HELZ: variants seen among roughly 807,000 people sequenced by gnomAD.
The protein encoded by HELZ is ATP-dependent RNA helicase with zinc finger domain.
In HELZ, 23 loss-of-function variants were observed where a neutral mutation model predicts 218.2. That is an observed-to-expected ratio of 0.11 (90% CI 0.08 to 0.15). HELZ has a LOEUF of 0.15. HELZ is among the 10% of genes least tolerant of loss of function. The probability of loss-of-function intolerance (pLI) is 1.00; values close to 1 mark genes in which losing one functional copy is unlikely to be tolerated. For missense variants in HELZ, 1,813 were observed against 2,353.7 expected (o/e 0.77, Z 4.75); for synonymous variants, 814 against 829.4 (o/e 0.98, Z 0.32).
chr17:67,160,711 A>G (rs1203807620), intron 16 of HELZ, among the ~76,000 whole-genome samples, 186 bp downstream of exon 16: 2 of 152,188 alleles, frequency 1.3e-5, no homozygotes, highest in Non-Finnish European at 2.9e-5. Context: ...TTCTAAAAAC[A>G]GTATGTTTTA....
At position 67,215,902 on chromosome 17, in the gene HELZ, G is replaced by A; in HGVS notation, c.244C>T (p.His82Tyr). The change falls in exon 5 of 33, where the codon CAT becomes TAT. Residue 82 changes from histidine (H) to tyrosine (Y), a missense_variant. By Grantham distance (83) the His-to-Tyr change is moderately conservative. Around this residue, in one of 4 missense-constraint regions of HELZ, gnomAD observed 714 missense variants for 1,029.2 expected, o/e 0.69. Coordinates refer to ENST00000358691, the MANE Select transcript of HELZ (RefSeq NM_014877.4). The stretch of plus-strand genomic sequence containing the variant: ...CGAGTCTCATTTTTAAACATACCAT[G>A]TCTACAATCTTCATCAGCTTGCACA... The part of the protein sequence containing the change: ...NYVQADEDCR[H>Y]VLGEGLAKGE... The A allele has an allele frequency of 6.4e-7, 1 of 1,551,972 alleles. No individual in the cohort carries two copies. Among genetic ancestry groups the A allele is most frequent in the Non-Finnish European group, 8.9e-7 (1 of 1,127,000 alleles).
At chr17:67,197,188 A>G (rs2040053413) in intron 7 of HELZ, among the ~76,000 whole-genome samples, 2 of 152,074 alleles carry the variant, frequency 1.3e-5, no homozygotes. Context: ...TGTGGTAGTG[A>G]GTAAGTCTGA....
chr17:67,087,379 T>C (rs765726124), intron 31 of HELZ, among the ~76,000 whole-genome samples: 45 of 152,196 alleles, frequency 3.0e-4, no homozygotes, highest in Admixed American at 3.3e-4. Context: ...CTGTAGAATA[T>C]GGGAATTGAA....
At chr17:67,221,096 A>T (rs2040733606) in intron 3 of HELZ, among the ~76,000 whole-genome samples, 1 of 152,142 alleles carries the variant, frequency 6.6e-6, no homozygotes, top group African/African-American at 2.4e-5. Flanking sequence ...CCATTAGACA[A>T]AGAGTGGCAT....
intron 12 of HELZ, among the ~76,000 whole-genome samples, chr17:67,181,180 C>T (rs1598382258): frequency 1.3e-5 from 2 of 152,224 alleles, no homozygotes; most frequent in Admixed American, 1.3e-4. Flanking sequence ...TTTTATTTTA[C>T]ATTTCACTTT....
chr17:67,184,164 TA>T (rs1280365397), intron 12 of HELZ, among the ~76,000 whole-genome samples: 1 of 152,194 alleles, frequency 6.6e-6, no homozygotes, highest in African/African-American at 2.4e-5. Flanking sequence ...AGTAACACAC[TA>T]ACATAACTAA....
intron 14 of HELZ, 88 bp downstream of exon 14, chr17:67,167,375 G>C: frequency 1.0e-6 from 1 of 1,000,034 alleles, no homozygotes; most frequent in Non-Finnish European, 1.5e-6. Flanking sequence ...TTTTGTTTAC[G>C]GCAGAAGAAA....
At chr17:67,184,853 A>G (rs972633748) in intron 12 of HELZ, among the ~76,000 whole-genome samples, 2 of 151,990 alleles carry the variant, frequency 1.3e-5, no homozygotes, top group Non-Finnish European at 1.5e-5. Flanking sequence ...ATAAATAGAG[A>G]TATTTCCCAT....
chr17:67,102,859 C>T (rs920573125), intron 31 of HELZ, among the ~76,000 whole-genome samples: 2 of 152,096 alleles, frequency 1.3e-5, no homozygotes, highest in South Asian at 2.1e-4. Flanking sequence ...ACTCTAAGAA[C>T]CCACTGACAA....
At chr17:67,140,286 C>T (rs919704715) in intron 21 of HELZ, among the ~76,000 whole-genome samples, 5 of 152,160 alleles carry the variant, frequency 3.3e-5, no homozygotes, top group African/African-American at 1.2e-4. Flanking sequence ...GTTCCATGTC[C>T]TCCCCCAACA....
chr17:67,216,568 G>GTT (rs986742013), intron 4 of HELZ, among the ~76,000 whole-genome samples: 4 of 148,184 alleles, frequency 2.7e-5, no homozygotes, highest in African/African-American at 7.5e-5. Flanking sequence ...TTTTTCTTTA[G>GTT]TGTCTCTTCA....
chr17:67,194,193 T>C, intron 8 of HELZ, 151 bp from the exon 9 acceptor site: 1 of 606,352 alleles, frequency 1.6e-6, no homozygotes, highest in Non-Finnish European at 2.9e-6. Context: ...CAAAAAGTAA[T>C]CTACCAATCA....
rs1019392076 is a variant in HELZ at position 67,156,070 on chromosome 17, T to TA, written c.2177+4190dup. On this transcript the variant is annotated intron_variant, in intron 17 of 32. Transcript: ENST00000358691. The stretch of plus-strand genomic sequence containing the variant: ...AAATGGAAGTATCAAAAGAAACTGC[T>TA]AAAAAAGTAAAAAATTCCCTTGGGA... Among the ~76,000 whole-genome samples, 119 of 150,004 alleles carry TA rather than the reference T, an allele frequency of 7.9e-4. 1 individual carries two copies. Among genetic ancestry groups the TA allele is most frequent in the African/African-American group, 2.7e-3 (112 of 41,202 alleles).
rs1366330873 is a variant in HELZ at position 67,195,436 on chromosome 17, A to G, written c.464T>C (p.Val155Ala). 1.2e-6 allele frequency: 2 copies of G among 1,606,196 alleles called. No homozygotes were observed. The highest frequency in any genetic ancestry group is 1.7e-6 in the Non-Finnish European group (2 of 1,172,922). ...GCACTTACCCTCATCTAAGTCTTCCACGTGATATCCAGAGAGGGCGTTACT... is the reference window on the plus strand; with the variant it reads ...GCACTTACCCTCATCTAAGTCTTCCGCGTGATATCCAGAGAGGGCGTTACT... ...ATSNALSGYH[V>A]EDLDEGSCNG... Residue 155 changes from valine (V) to alanine (A), a missense_variant, in exon 8 of 33, where the codon GTG becomes GCG. Physicochemically the swap from Val to Ala is moderately conservative, Grantham distance 64 (BLOSUM62 0). Transcript: ENST00000358691.
chr17:67,221,719 A>G (rs1409039614), intron 3 of HELZ, among the ~76,000 whole-genome samples: 1 of 152,226 alleles, frequency 6.6e-6, no homozygotes, highest in Non-Finnish European at 1.5e-5. Flanking sequence ...TAATACCTAT[A>G]AAGTACTTAA....
At chr17:67,170,771 G>A (rs1387492877) in intron 13 of HELZ, among the ~76,000 whole-genome samples, 1 of 149,632 alleles carries the variant, frequency 6.7e-6, no homozygotes, top group Non-Finnish European at 1.5e-5. Flanking sequence ...AGGCTGCAAT[G>A]ACCTGAGATA....
intron 4 of HELZ, among the ~76,000 whole-genome samples, chr17:67,216,737 A>G (rs1050532138): frequency 6.6e-6 from 1 of 152,150 alleles, no homozygotes; most frequent in African/African-American, 2.4e-5. Flanking sequence ...GTGGACCCAC[A>G]CGATTCACAT....
At chr17:67,229,243 A>G (rs1476061145) in intron 3 of HELZ, among the ~76,000 whole-genome samples, 1 of 152,078 alleles carries the variant, frequency 6.6e-6, no homozygotes, top group South Asian at 2.1e-4. Context: ...TCTGGCTACA[A>G]CCTCACTTGC....
chr17:67,087,973 C>A lies in HELZ; in HGVS notation c.5242-892G>T, dbSNP rs557091227. On this transcript the variant is annotated intron_variant, in intron 31 of 32. Transcript: ENST00000358691. ...CTAAGGCTAGACTGTCTGGGTTAGA[C>A]TTCAGGCTCTGACTTTTATTGGCAG... 3.3e-5 allele frequency among the ~76,000 whole-genome samples: 5 copies of A among 152,268 alleles called. 1 individual carries two copies. In the South Asian group the frequency reaches 1.0e-3, roughly 32 times the overall value.
Sources: allele counts gnomAD v4.1 joint callset (sites outside exome capture counted in the v4.1 genomes callset), GRCh38; gene constraint gnomAD v4.1.1; regional missense constraint gnomAD v4.1.1; transcripts MANE v1.5; gene names NCBI Gene and HGNC (gene_info 2026-07-23, HGNC 2026-07-21).